The following SESTD1 variants were observed in gnomAD, a reference collection of about 807,000 sequenced individuals.
The protein encoded by SESTD1 is SEC14 domain and spectrin repeat-containing protein 1.
A neutral mutation model predicts 101.7 loss-of-function variants in SESTD1; 43 were observed. The observed-to-expected ratio is 0.42, with a 90% confidence interval of 0.33 to 0.55. The LOEUF is 0.55. Ranked by LOEUF, SESTD1 falls within the 20% of genes least tolerant of loss-of-function variation. SESTD1 has a pLI of 0.07. For synonymous variants in SESTD1, 283 were observed against 286.8 expected, an observed-to-expected ratio of 0.99 and a Z score of 0.13; for missense variants, 647 against 815.1, an observed-to-expected ratio of 0.79 and a Z score of 2.51.
chr2:179,157,358 G>A (rs895994292), intron 5 of SESTD1, among the ~76,000 whole-genome samples: 1 of 152,044 alleles, frequency 6.6e-6, no homozygotes, highest in African/African-American at 2.4e-5. Context: ...CACAGAATTA[G>A]AAAACACAAT....
At chr2:179,143,363 G>A (rs1200737509) in intron 9 of SESTD1, among the ~76,000 whole-genome samples, 1 of 152,070 alleles carries the variant, frequency 6.6e-6, no homozygotes, top group East Asian at 1.9e-4. Context: ...AGTTATTTTT[G>A]AAGTTCATTG....
intron 6 of SESTD1, 139 bp from the exon 7 acceptor site, chr2:179,149,533 G>GAGCACAAC (rs1445726945): frequency 1.6e-5 from 9 of 547,020 alleles, no homozygotes; most frequent in Non-Finnish European, 1.9e-5. Context: ...TCTACCACCA[G>GAGCACAAC]AGCACAACAA....
chr2:179,247,876 A>G (rs924889569), intron 1 of SESTD1, among the ~76,000 whole-genome samples: 1 of 152,210 alleles, frequency 6.6e-6, no homozygotes, highest in Non-Finnish European at 1.5e-5. Context: ...AAATAAAAAA[A>G]TACATTGAAC....
At position 179,151,357 on chromosome 2, in the gene SESTD1, T is replaced by C; in HGVS notation, c.404A>G (p.Tyr135Cys). 1 of 1,606,062 alleles carries C rather than the reference T, an allele frequency of 6.2e-7. No individual in the cohort carries two copies. Among genetic ancestry groups the C allele is most frequent in the Non-Finnish European group, 8.5e-7 (1 of 1,176,664 alleles). The change falls in exon 6 of 18, where the codon TAT (tyrosine) becomes TGT (cysteine). Residue 135 changes from tyrosine to cysteine, a missense_variant. Physicochemically the swap from Tyr to Cys is radical, Grantham distance 194. Around this residue, in one of 3 missense-constraint regions of SESTD1, gnomAD observed 168 missense variants for 235.1 expected, o/e 0.71. Transcript: ENST00000428443. ...ILVSANKLTR[Y>C]IEPCQLTEDF... ...TTCTGTTAATTGGCATGGTTCTATA[T>C]AACGAGTCAATTTGTTGGCGGACAC...
In SESTD1 at chr2:179,213,356, A is replaced by T. The variant is rs182021710; in HGVS notation, c.-25-21490T>A. Among the ~76,000 whole-genome samples, 5 of 135,206 alleles carry T rather than the reference A, an allele frequency of 3.7e-5. No homozygotes were observed. The East Asian group carries it at 1.0e-3, about 27-fold the overall frequency. 88.7% of individuals were successfully genotyped at this position (135,206 alleles called of 152,430 possible). Reference sequence around the variant, plus strand: ...CACAAGAACTTCAAGACGCAGGCACAAGCTTCAATAGCCGATTCGATCAAG... The same window carrying T: ...CACAAGAACTTCAAGACGCAGGCACTAGCTTCAATAGCCGATTCGATCAAG... On this transcript the variant is annotated intron_variant, in intron 1 of 17. Coordinates refer to ENST00000428443, the MANE Select transcript of SESTD1 (RefSeq NM_178123.5).
chr2:179,114,357 T>C (rs928275811), intron 16 of SESTD1, among the ~76,000 whole-genome samples: 4 of 152,114 alleles, frequency 2.6e-5, no homozygotes, highest in Admixed American at 2.6e-4. Context: ...TCAAAGTGTA[T>C]CGAACATTCC....
chr2:179,195,113 A>T (rs772482426), intron 1 of SESTD1, among the ~76,000 whole-genome samples: 2 of 152,214 alleles, frequency 1.3e-5, no homozygotes, highest in Non-Finnish European at 2.9e-5. Context: ...TTCTCCAAGT[A>T]AGTGTTCTTG....
At chr2:179,119,436 T>C (rs1285678451) in intron 13 of SESTD1, among the ~76,000 whole-genome samples, 2 of 152,168 alleles carry the variant, frequency 1.3e-5, no homozygotes, top group Non-Finnish European at 2.9e-5. Flanking sequence ...TACTAGGTGA[T>C]CTGGTTTGGA....
At chr2:179,149,809 T>C (rs968432294) in intron 6 of SESTD1, among the ~76,000 whole-genome samples, 1 of 152,248 alleles carries the variant, frequency 6.6e-6, no homozygotes, top group Non-Finnish European at 1.5e-5. Flanking sequence ...GTTATATACA[T>C]GCATGTAGCA....
chr2:179,149,400 A>G lies in SESTD1; in HGVS notation c.484-6T>C, dbSNP rs779649487. 4.5e-6 allele frequency: 7 copies of G among 1,562,196 alleles called. No individual in the cohort carries two copies. The African/African-American group carries it at 9.6e-5, about 21-fold the overall frequency. On this transcript the variant is annotated splice_region_variant and splice_polypyrimidine_tract_variant and intron_variant, in intron 6 of 17. Transcript: ENST00000428443. ...TTTGTAAACTTCTCAAAAACCTACA[A>G]TATGAGTTTTATTAACATACTAAGA...
In SESTD1 at chr2:179,230,113, C is replaced by CTTTTTTTTTTTTTTTTTT. The variant is rs71023474; in HGVS notation, c.-26+34368_-26+34385dup. The stretch of plus-strand genomic sequence containing the variant: ...AAATATTCCAAACTGGATTGTATCT[C>CTTTTTTTTTTTTTTTTTT]TTTTTTTTTTTTTTTTTTTTTTTTT... On this transcript the variant is annotated intron_variant, in intron 1 of 17. Coordinates refer to ENST00000428443, the MANE Select transcript of SESTD1 (RefSeq NM_178123.5). Among the ~76,000 whole-genome samples, 15 of 56,420 alleles carry CTTTTTTTTTTTTTTTTTT rather than the reference C, an allele frequency of 2.7e-4. 4 individuals are homozygous for CTTTTTTTTTTTTTTTTTT. Among genetic ancestry groups the CTTTTTTTTTTTTTTTTTT allele is most frequent in the East Asian group, 8.8e-4 (1 of 1,138 alleles). The allele number at this position is 56,420 out of a possible 152,430, so 37.0% of individuals were successfully genotyped here.
intron 5 of SESTD1, among the ~76,000 whole-genome samples, chr2:179,155,248 T>C (rs2045606828): frequency 6.6e-6 from 1 of 152,024 alleles, no homozygotes; most frequent in Non-Finnish European, 1.5e-5. Context: ...ACAGAAAGGC[T>C]TTCACACTAG....
rs143025572 is a variant in SESTD1 at position 179,172,385 on chromosome 2, C to T, written c.256-152G>A. 701 of 495,764 alleles carry T rather than the reference C, an allele frequency of 1.4e-3. 5 individuals are homozygous for T. Among genetic ancestry groups the T allele is most frequent in the African/African-American group, 0.011 (580 of 51,278 alleles). 30.7% of individuals were successfully genotyped at this position (495,764 alleles called of 1,614,324 possible). On this transcript the variant is annotated intron_variant, in intron 4 of 17. Transcript: ENST00000428443. ...AGAAGAAATTCTCTAGACTTCAAAACATACATGGCAATAAAGAAGAACTTG... is the reference window on the plus strand; with the variant it reads ...AGAAGAAATTCTCTAGACTTCAAAATATACATGGCAATAAAGAAGAACTTG...
At position 179,106,777 on chromosome 2, in the gene SESTD1, A is replaced by G. The variant is rs142703170; in HGVS notation, c.*3122T>C. The G allele has an allele frequency of 1.8e-4, 28 of 152,250 alleles. No homozygotes were observed. Among genetic ancestry groups the G allele is most frequent in the African/African-American group, 5.8e-4 (24 of 41,544 alleles). 9.4% of individuals were successfully genotyped at this position (152,250 alleles called of 1,614,324 possible). The stretch of plus-strand genomic sequence containing the variant: ...TCAACATCACCAATGAGTCACCAGA[A>G]CTGAACAAAGTGACCAACAATGAGG... On this transcript the variant is annotated 3_prime_UTR_variant, in exon 18 of 18. Coordinates refer to ENST00000428443, the MANE Select transcript of SESTD1 (RefSeq NM_178123.5).
At chr2:179,231,997 A>G (rs1027568259) in intron 1 of SESTD1, among the ~76,000 whole-genome samples, 2 of 152,044 alleles carry the variant, frequency 1.3e-5, no homozygotes, top group African/African-American at 4.8e-5. Flanking sequence ...CTTTAATAAT[A>G]CGTAAGACTG....
intron 8 of SESTD1, among the ~76,000 whole-genome samples, chr2:179,144,268 G>C (rs893431957): frequency 1.3e-5 from 2 of 151,694 alleles, no homozygotes; most frequent in African/African-American, 2.4e-5. Flanking sequence ...TAGGATTTCA[G>C]TATTAATCCA....
At chr2:179,156,220 T>C (rs1470551978) in intron 5 of SESTD1, among the ~76,000 whole-genome samples, 1 of 152,194 alleles carries the variant, frequency 6.6e-6, no homozygotes, top group Non-Finnish European at 1.5e-5. Context: ...ACAGTTTCTT[T>C]ATCCACTCAT....
chr2:179,197,698 C>A (rs1287046824), intron 1 of SESTD1, among the ~76,000 whole-genome samples: 1 of 152,138 alleles, frequency 6.6e-6, no homozygotes, highest in East Asian at 1.9e-4. Flanking sequence ...AATTTCATAT[C>A]CAGCCAAACT....
chr2:179,206,725 C>A (rs778759451), intron 1 of SESTD1, among the ~76,000 whole-genome samples: 1 of 135,082 alleles, frequency 7.4e-6, no homozygotes, highest in African/African-American at 2.9e-5. Flanking sequence ...GAAGCCACAG[C>A]TGACCATGCA....
Sources: gnomAD v4.1 joint callset for allele counts (sites outside exome capture counted in the v4.1 genomes callset) on GRCh38, gnomAD v4.1.1 for gene constraint, gnomAD v4.1.1 regional missense constraint, MANE v1.5 for transcripts, NCBI Gene and HGNC (gene_info 2026-07-23, HGNC 2026-07-21) for gene names.